PNPLA7: variants seen among roughly 807,000 people sequenced by gnomAD.
PNPLA7 encodes patatin like domain 7, lysophospholipase, also known as patatin-like phospholipase domain-containing protein 7.
In PNPLA7, 153 loss-of-function variants were observed where a neutral mutation model predicts 161.7. The ratio of observed to expected loss-of-function variants is 0.95; its 90% CI spans 0.83 to 1.08. The LOEUF is 1.08. Among genes scored for constraint, PNPLA7 ranks in the 50% least tolerant of loss-of-function variants. PNPLA7 has a pLI of 0.00. For synonymous variants in PNPLA7, 809 were observed against 782.1 expected (o/e 1.03, Z -0.57); for missense variants, 1,739 against 1,856.6 (o/e 0.94, Z 1.16).
intron 14 of PNPLA7, 24 bp downstream of exon 14, chr9:137,505,590 C>T (rs1234434349): frequency 1.2e-6 from 2 of 1,612,430 alleles, no homozygotes; most frequent in Admixed American, 3.3e-5. Context: ...GGACAAGGGC[C>T]AGGTGCCCGC....
intron 14 of PNPLA7, among the ~76,000 whole-genome samples, chr9:137,504,043 AAAGAAGAAGG>A (rs1481547567): frequency 1.2e-4 from 16 of 135,418 alleles, no homozygotes; most frequent in African/African-American, 4.1e-4. Flanking sequence ...AAGGAAGAAG[AAAGAAGAAGG>A]AAGAAGAAGA....
chr9:137,465,415 C>T (rs1397600400), intron 26 of PNPLA7, among the ~76,000 whole-genome samples: 1 of 152,186 alleles, frequency 6.6e-6, no homozygotes, highest in African/African-American at 2.4e-5. Flanking sequence ...CACACCTGGC[C>T]CCCCAGCCCC....
At chr9:137,501,625 T>C in intron 15 of PNPLA7, 25 bp downstream of exon 15, 7 of 1,602,282 alleles carry the variant, frequency 4.4e-6, no homozygotes, top group Non-Finnish European at 6.0e-6. Flanking sequence ...GTGGTCCCAG[T>C]GCCCCCCCCC....
At chr9:137,514,734 T>C (rs1310140492) in intron 12 of PNPLA7, among the ~76,000 whole-genome samples, 15 of 106,148 alleles carry the variant, frequency 1.4e-4, no homozygotes, top group Admixed American at 1.9e-4. Context: ...GGGCTGTGGG[T>C]GGGTCACCTG....
chr9:137,496,754 C>G (rs1833081274), intron 18 of PNPLA7, among the ~76,000 whole-genome samples: 1 of 152,162 alleles, frequency 6.6e-6, no homozygotes, highest in South Asian at 2.1e-4. Context: ...CACAAATCGG[C>G]AGAAGCCCCA....
chr9:137,493,337 G>A (rs1459855616), intron 19 of PNPLA7, among the ~76,000 whole-genome samples: 2 of 152,192 alleles, frequency 1.3e-5, no homozygotes, highest in African/African-American at 2.4e-5. Flanking sequence ...GGTACAAGGG[G>A]TATGTCCTCT....
rs774312559 is a variant in PNPLA7 at position 137,550,165 on chromosome 9, T to C, written c.30+3A>G. ...CAGGCATCTGGTCCCCCGAGTTACATACCTGTGGGCTGTCATCTTTCTCTT... is the reference window on the plus strand; with the variant it reads ...CAGGCATCTGGTCCCCCGAGTTACACACCTGTGGGCTGTCATCTTTCTCTT... On this transcript the variant is annotated splice_donor_region_variant and intron_variant, in intron 1 of 34. Coordinates refer to ENST00000406427, the MANE Select transcript of PNPLA7 (RefSeq NM_001098537.3). 6.8e-6 allele frequency: 11 copies of C among 1,612,904 alleles called. No individual in the cohort carries two copies. In the Admixed American group the frequency reaches 8.3e-5, roughly 12 times the overall value.
Position 137,484,717 on chromosome 9 carries a change from G to T in PNPLA7, c.2217C>A (p.Pro739=), listed in dbSNP as rs768808969. 42 of 1,610,550 alleles carry T rather than the reference G, an allele frequency of 2.6e-5. No homozygotes were observed. The East Asian group carries it at 8.5e-4, about 33-fold the overall frequency. The stretch of plus-strand genomic sequence containing the variant: ...CCAAGTCCCACTTGCTGCCCTCCGT[G>T]GGGAGCCCAAGCTGGTGGCCTGTGG... ...GPVTGHQLGL[P]TEGSKWDLGN... The change falls in exon 21 of 35, where the codon CCC becomes CCA. Residue 739 remains proline (P), a synonymous_variant. Coordinates refer to ENST00000406427, the MANE Select transcript of PNPLA7 (RefSeq NM_001098537.3).
chr9:137,516,393 C>T, intron 11 of PNPLA7: 1 of 985,002 alleles, frequency 1.0e-6, no homozygotes, highest in African/African-American at 1.7e-5. Context: ...CTACAGAGGC[C>T]CATGAGCACC....
intron 12 of PNPLA7, among the ~76,000 whole-genome samples, chr9:137,513,882 TGA>T (rs1198647131): frequency 1.3e-5 from 2 of 152,186 alleles, no homozygotes; most frequent in Non-Finnish European, 2.9e-5. Flanking sequence ...CCAGACAATC[TGA>T]GAGGGACGCC....
chr9:137,491,850 CG>C (rs1832778988), intron 20 of PNPLA7: 1 of 985,264 alleles, frequency 1.0e-6, no homozygotes, highest in African/African-American at 1.7e-5. Flanking sequence ...TGCAATGTGT[CG>C]GGGGTGACAA....
At chr9:137,546,743 TGG>T in intron 4 of PNPLA7, 85 bp downstream of exon 4, 1 of 1,281,758 alleles carries the variant, frequency 7.8e-7, no homozygotes, top group Non-Finnish European at 1.1e-6. Context: ...CTGCCCAGCC[TGG>T]GGGAGCCCAC....
rs988972828 is a variant in PNPLA7, at chr9:137,468,299, G to A, written c.2883-826C>T. ...CAACCAAAGATTACCAGTCATATGA[G>A]AAGAAAAGCCTCATATAGGCTTTCC... On this transcript the variant is annotated intron_variant, in intron 25 of 34. Transcript: ENST00000406427. This position sits in a 1 kb window ranked among gnomAD's most constrained non-coding sequence, Gnocchi z 4.0. Among the ~76,000 whole-genome samples the A allele has an allele frequency of 1.2e-4, 19 of 152,174 alleles. No homozygotes were observed. Among genetic ancestry groups the A allele is most frequent in the African/African-American group, 3.9e-4 (16 of 41,530 alleles).
chr9:137,532,329 C>G (rs533873517), intron 8 of PNPLA7, among the ~76,000 whole-genome samples: 2 of 152,118 alleles, frequency 1.3e-5, no homozygotes, highest in African/African-American at 4.8e-5. Flanking sequence ...CCCAGCTACT[C>G]GGGAGGCTGA....
chr9:137,498,557 G>A (rs548930785), intron 16 of PNPLA7, among the ~76,000 whole-genome samples: 6 of 152,358 alleles, frequency 3.9e-5, no homozygotes, highest in East Asian at 3.9e-4. Context: ...TGCACATGCC[G>A]TCAGGAGCTG....
At position 137,492,949 on chromosome 9, in the gene PNPLA7, T is replaced by A. The variant is rs527643585; in HGVS notation, c.2197+64A>T. The A allele has an allele frequency of 3.4e-5, 32 of 942,588 alleles. No individual in the cohort carries two copies. In the East Asian group the frequency reaches 8.4e-4, roughly 25 times the overall value. 58.4% of individuals were successfully genotyped at this position (942,588 alleles called of 1,614,324 possible). ...TGGGAGGGCGGGGCCATGGGCTGGG[T>A]GGGCGGGGCTCCAGGACTGGGTGAG... On this transcript the variant is annotated intron_variant, in intron 20 of 34. Transcript: ENST00000406427.
chr9:137,469,346 T>C (rs1831612851), intron 25 of PNPLA7, among the ~76,000 whole-genome samples: 2 of 152,258 alleles, frequency 1.3e-5, no homozygotes, highest in South Asian at 4.1e-4. Flanking sequence ...CTCTAATGTA[T>C]GTGTGATCAG....
At chr9:137,498,090 A>C (rs1458248669) in intron 17 of PNPLA7, 24 bp downstream of exon 17, 1 of 1,606,670 alleles carries the variant, frequency 6.2e-7, no homozygotes, top group South Asian at 1.1e-5. Context: ...ATGGATGCGG[A>C]GTGTGTGGCA....
rs116511514 is a variant in PNPLA7 at position 137,520,663 on chromosome 9, C to T, written c.958-620G>A. Among the ~76,000 whole-genome samples the T allele has an allele frequency of 7.5e-3, 1,142 of 152,320 alleles. 14 individuals carry two copies. Among genetic ancestry groups the T allele is most frequent in the African/African-American group, 0.026 (1,081 of 41,576 alleles). On this transcript the variant is annotated intron_variant, in intron 10 of 34. Transcript: ENST00000406427. The surrounding 1 kb of genome is among the most constrained non-coding windows in gnomAD (Gnocchi z 5.2). ...TGGGCAGTGGGGATGGAGCAGGGCA[C>T]GAAACCCTGGTCTCACTCAGTTCCC...
Sources: allele counts gnomAD v4.1 joint callset (sites outside exome capture counted in the v4.1 genomes callset), GRCh38; gene constraint gnomAD v4.1.1; non-coding constraint Gnocchi (gnomAD v3.1); transcripts MANE v1.5; gene names NCBI Gene and HGNC (gene_info 2026-07-23, HGNC 2026-07-21).